The following SSBP4 variants were observed in gnomAD, a reference collection of about 807,000 sequenced individuals.
SSBP4 encodes single stranded DNA binding protein 4, also known as single-stranded DNA-binding protein 4.
SSBP4 carries 33 observed loss-of-function variants against 64.6 expected under a neutral mutation model. The observed-to-expected ratio is 0.51, with a 90% CI of 0.39 to 0.68. The LOEUF is 0.68. Among genes scored for constraint, SSBP4 ranks in the 30% least tolerant of loss-of-function variants. SSBP4 has a pLI of 0.00. For missense variants in SSBP4, 583 were observed against 566.8 expected, an observed-to-expected ratio of 1.03 and a Z score of -0.29; for synonymous variants, 243 against 224.0, an observed-to-expected ratio of 1.08 and a Z score of -0.76.
rs1301703894 is a variant in SSBP4, at chr19:18,433,568, T to C, written c.992-17T>C. 1.3e-6 allele frequency: 2 copies of C among 1,544,206 alleles called. No homozygotes were observed. The highest frequency in any genetic ancestry group is 1.4e-5 in the African/African-American group (1 of 71,824). On this transcript the variant is annotated splice_polypyrimidine_tract_variant and intron_variant, in intron 15 of 17. Coordinates refer to ENST00000270061, the MANE Select transcript of SSBP4 (RefSeq NM_032627.5). Reference sequence around the variant, plus strand: ...CAGCACGTCTGAGCCGGTGCCCGTGTCTGTCCGTGTCTGTAGGCTCGGGCG... The same window carrying C: ...CAGCACGTCTGAGCCGGTGCCCGTGCCTGTCCGTGTCTGTAGGCTCGGGCG...
chr19:18,405,539 C>T, the SSBP4 span, among the ~76,000 whole-genome samples: 4 of 151,894 alleles, frequency 2.6e-5, no homozygotes, highest in Admixed American at 1.3e-4. Flanking sequence ...GGTCTCTGTC[C>T]GACACCCATG....
chr19:18,431,565 G>T (rs920678372), intron 6 of SSBP4, 82 bp from the exon 7 acceptor site: 14 of 1,491,216 alleles, frequency 9.4e-6, no homozygotes, highest in Non-Finnish European at 1.3e-5. Flanking sequence ...CCCCAGGTCG[G>T]GGGCCCCAGC....
At chr19:18,412,460 C>CAAA in the SSBP4 span, among the ~76,000 whole-genome samples, 887 of 74,300 alleles carry the variant, frequency 0.012, 7 homozygotes, top group Non-Finnish European at 0.014. Flanking sequence ...GACTCCATCT[C>CAAA]AAAAAAAAAA....
Position 18,434,276 on chromosome 19 carries a change from GCCTAGGCTTCTGCCCAGCGCC to G in SSBP4, c.*34_*54del, listed in dbSNP as rs1167374882. The G allele has an allele frequency of 6.2e-7, 1 of 1,609,126 alleles. No individual in the cohort carries two copies. Among genetic ancestry groups the G allele is most frequent in the African/African-American group, 1.3e-5 (1 of 74,648 alleles). On this transcript the variant is annotated 3_prime_UTR_variant, in exon 18 of 18. Transcript: ENST00000270061. ...GCGGCAGCCCCGGGCCTCTCTGCGG[GCCTAGGCTTCTGCCCAGCGCC>G]CCTGCTCAGGGCGAGGGGCTGAGGT...
At chr19:18,404,960 T>C in the SSBP4 span, among the ~76,000 whole-genome samples, 1 of 133,272 alleles carries the variant, frequency 7.5e-6, no homozygotes, top group African/African-American at 2.9e-5. Context: ...TCACAGACCC[T>C]AGAGATGCCC....
rs1367539831 is a variant in SSBP4 at position 18,427,095 on chromosome 19, G to A, written c.60-256G>A. On this transcript the variant is annotated intron_variant, in intron 1 of 17. Transcript: ENST00000270061. The surrounding 1 kb of genome is among the most constrained non-coding windows in gnomAD (Gnocchi z 4.4). ...TCCCCAGCGCTGAGGCCTCTCTGGA[G>A]TCTCAGTGTTGGCAGGACATGGCCA... 6.6e-6 allele frequency among the ~76,000 whole-genome samples: 1 copy of A among 152,162 alleles called. No homozygotes were observed. Among genetic ancestry groups the A allele is most frequent in the Non-Finnish European group, 1.5e-5 (1 of 68,018 alleles).
chr19:18,422,116 G>A (rs1469309460), intron 1 of SSBP4, among the ~76,000 whole-genome samples: 1 of 152,154 alleles, frequency 6.6e-6, no homozygotes, highest in Non-Finnish European at 1.5e-5. Flanking sequence ...AGCTGAGATC[G>A]TGCCACTGCC....
chr19:18,429,306 C>T (rs1446695940), intron 4 of SSBP4, among the ~76,000 whole-genome samples: 14 of 151,740 alleles, frequency 9.2e-5, no homozygotes, highest in Admixed American at 9.2e-4. Flanking sequence ...CTCCAGGAAA[C>T]GCCGGAGCGC....
the SSBP4 span, among the ~76,000 whole-genome samples, chr19:18,407,537 C>G: frequency 6.6e-6 from 1 of 151,978 alleles, no homozygotes; most frequent in South Asian, 2.1e-4. Context: ...CTGCCTCAAC[C>G]TCCCAAGTAG....
Position 18,433,184 on chromosome 19 carries a change from T to G in SSBP4, c.962T>G (p.Met321Arg). 6.3e-7 allele frequency: 1 copy of G among 1,585,602 alleles called. No individual in the cohort carries two copies. Among genetic ancestry groups the G allele is most frequent in the Admixed American group, 1.8e-5 (1 of 55,190 alleles). The change falls in exon 15 of 18, where the codon ATG becomes AGG. Residue 321 changes from methionine (M) to arginine (R), a missense_variant. Physicochemically the swap from Met to Arg is moderately conservative, Grantham distance 91 (BLOSUM62 -1). Around this residue, in one of 5 missense-constraint regions of SSBP4, gnomAD observed 444 missense variants for 386.6 expected, o/e 1.15. Transcript: ENST00000270061. ...PEGPMAAMSAMEPHHVNGSLG... is the reference protein window; with the variant it reads ...PEGPMAAMSAREPHHVNGSLG... Reference sequence around the variant, plus strand: ...GGCCCCATGGCCGCCATGAGCGCGATGGAGCCTCACCACGTGAACGGATCC... The same window carrying G: ...GGCCCCATGGCCGCCATGAGCGCGAGGGAGCCTCACCACGTGAACGGATCC...
At chr19:18,428,019 C>T (rs199760529) in intron 4 of SSBP4, 37 bp downstream of exon 4, 29 of 779,404 alleles carry the variant, frequency 3.7e-5, no homozygotes, top group African/African-American at 6.6e-5. Flanking sequence ...GGCTCCAGGG[C>T]GGGAGGTGTG....
rs926398236 is a variant in SSBP4, at chr19:18,426,253, C to T, written c.60-1098C>T. Among the ~76,000 whole-genome samples the T allele has an allele frequency of 2.6e-5, 4 of 152,186 alleles. No individual in the cohort carries two copies. Among genetic ancestry groups the T allele is most frequent in the East Asian group, 1.9e-4 (1 of 5,178 alleles). ...AGGAAGGTTATTTTAGGATGGGGCC[C>T]GCAGCCAGAGAGGGCGGCGCAGCTG... is the stretch of plus-strand genomic sequence containing the variant. On this transcript the variant is annotated intron_variant, in intron 1 of 17. Coordinates refer to ENST00000270061, the MANE Select transcript of SSBP4 (RefSeq NM_032627.5). This position sits in a 1 kb window ranked among gnomAD's most constrained non-coding sequence, Gnocchi z 4.5.
At chr19:18,428,336 T>C (rs970795523) in intron 4 of SSBP4, among the ~76,000 whole-genome samples, 1 of 152,104 alleles carries the variant, frequency 6.6e-6, no homozygotes, top group Non-Finnish European at 1.5e-5. Flanking sequence ...GCCTTCCCCC[T>C]CCTCTGCCGT....
At chr19:18,414,536 G>C (rs932209340), upstream of SSBP4, among the ~76,000 whole-genome samples, 1 of 152,204 alleles carries the variant, frequency 6.6e-6, no homozygotes, top group Non-Finnish European at 1.5e-5. Flanking sequence ...TGGTCTGGAA[G>C]GAGGACATTA....
At chr19:18,403,915 G>GGA in the SSBP4 span, among the ~76,000 whole-genome samples, 1 of 152,008 alleles carries the variant, frequency 6.6e-6, no homozygotes, top group Non-Finnish European at 1.5e-5. Flanking sequence ...CCACCTCCCT[G>GGA]GGGTCCCTCT....
chr19:18,422,426 C>T (rs1257523942), intron 1 of SSBP4, among the ~76,000 whole-genome samples: 3 of 152,306 alleles, frequency 2.0e-5, no homozygotes, highest in Admixed American at 2.0e-4. Flanking sequence ...TCAGAGCCAG[C>T]CTGCATGCTT....
the SSBP4 span, among the ~76,000 whole-genome samples, chr19:18,405,248 C>A: frequency 6.6e-6 from 1 of 152,126 alleles, no homozygotes; most frequent in Non-Finnish European, 1.5e-5. Flanking sequence ...GGGCTGCCCT[C>A]CCCCTTCCCC....
rs1973685430 is a variant in SSBP4 at position 18,433,573 on chromosome 19, CCGTGTCTGTA to C, written c.992-11_992-2del. 3 of 1,543,032 alleles carry C rather than the reference CCGTGTCTGTA, an allele frequency of 1.9e-6. No individual in the cohort carries two copies. Among genetic ancestry groups the C allele is most frequent in the Non-Finnish European group, 2.6e-6 (3 of 1,144,120 alleles). On this transcript the variant is annotated splice_acceptor_variant and splice_polypyrimidine_tract_variant and intron_variant, in intron 15 of 17. Coordinates refer to ENST00000270061, the MANE Select transcript of SSBP4 (RefSeq NM_032627.5). LOFTEE classifies it high-confidence loss of function. Reference sequence around the variant, plus strand: ...CGTCTGAGCCGGTGCCCGTGTCTGTCCGTGTCTGTAGGCTCGGGCGACATGGACGGGTTGC... The same window carrying C: ...CGTCTGAGCCGGTGCCCGTGTCTGTCGGCTCGGGCGACATGGACGGGTTGC...
Position 18,427,749 on chromosome 19 carries a change from C to T in SSBP4, c.133-3C>T, listed in dbSNP as rs1972964688. 6.3e-7 allele frequency: 1 copy of T among 1,584,852 alleles called. No individual in the cohort carries two copies. The highest frequency in any genetic ancestry group is 1.3e-5 in the African/African-American group (1 of 74,360). On this transcript the variant is annotated splice_polypyrimidine_tract_variant and splice_region_variant and intron_variant, in intron 2 of 17. Transcript: ENST00000270061. This position sits in a 1 kb window ranked among gnomAD's most constrained non-coding sequence, Gnocchi z 4.4. ...CCCCCTCACCACCTTCCTTTCCCTG[C>T]AGATCCGATGGGAGAAGAACATCAC... is the stretch of plus-strand genomic sequence containing the variant.
Sources: allele counts gnomAD v4.1 joint callset (sites outside exome capture counted in the v4.1 genomes callset), GRCh38; gene constraint gnomAD v4.1.1; regional missense constraint gnomAD v4.1.1; non-coding constraint Gnocchi (gnomAD v3.1); transcripts MANE v1.5; gene names NCBI Gene and HGNC (gene_info 2026-07-23, HGNC 2026-07-21).